ZNF536: variants seen among roughly 807,000 people sequenced by gnomAD.
ZNF536 encodes the protein zinc finger protein 536.
In ZNF536, 13 loss-of-function variants were observed where a neutral mutation model predicts 84.5. The observed-to-expected ratio is 0.15, with a 90% CI of 0.10 to 0.24. The LOEUF (loss-of-function observed/expected upper bound fraction) is 0.24, where lower values mean the gene tolerates loss of function less well. Among genes scored for constraint, ZNF536 ranks in the 10% least tolerant of loss-of-function variants. The pLI is 1.00. For synonymous variants in ZNF536, 811 were observed against 742.5 expected (o/e 1.09, Z -1.50); for missense variants, 1,536 against 1,747.5 (o/e 0.88, Z 2.16).
At chr19:30,467,679 T>A (rs1455455007) in intron 2 of ZNF536, among the ~76,000 whole-genome samples, 1 of 152,210 alleles carries the variant, frequency 6.6e-6, no homozygotes, top group East Asian at 1.9e-4. Context: ...CTACTGGCTC[T>A]CCAGAGGCCA....
chr19:30,382,607 C>T (rs4804927), intron 1 of ZNF536, among the ~76,000 whole-genome samples: 55,049 of 150,670 alleles, frequency 0.37, 10,349 homozygotes, highest in Middle Eastern at 0.54. Flanking sequence ...TGTGTGAAAA[C>T]TAGAAGTATT....
chr19:30,464,432 T>A (rs1314715314), intron 2 of ZNF536, among the ~76,000 whole-genome samples: 1 of 152,102 alleles, frequency 6.6e-6, no homozygotes, highest in Admixed American at 6.5e-5. Context: ...GAATCTCCCT[T>A]TCCTGAAATT....
chr19:30,326,811 T>TTTTTG (rs2078836522), intron 2 of ZNF536, among the ~76,000 whole-genome samples: 1 of 134,082 alleles, frequency 7.5e-6, no homozygotes, highest in Non-Finnish European at 1.6e-5. Context: ...TTTTTTTTTT[T>TTTTTG]TTTTTTTGTT....
At chr19:30,392,278 G>A (rs1416348705) in intron 1 of ZNF536, among the ~76,000 whole-genome samples, 1 of 152,206 alleles carries the variant, frequency 6.6e-6, no homozygotes, top group Non-Finnish European at 1.5e-5. Context: ...CCCCTGGGGC[G>A]AGGGAGGTAG....
intron 1 of ZNF536, among the ~76,000 whole-genome samples, chr19:30,589,051 A>C (rs1230674855): frequency 6.6e-6 from 1 of 152,166 alleles, no homozygotes. Flanking sequence ...GAGAATCCCC[A>C]AGAGACCTGA....
intron 1 of ZNF536, among the ~76,000 whole-genome samples, chr19:30,644,613 G>T (rs866341062): frequency 1.3e-5 from 2 of 152,028 alleles, no homozygotes; most frequent in East Asian, 3.9e-4. Context: ...GAGAACATGC[G>T]GTGTTTGGTT....
Position 30,445,725 on chromosome 19 carries a change from C to G in ZNF536, c.2163C>G (p.Ser721=), listed in dbSNP as rs780524436. 2.6e-6 allele frequency: 4 copies of G among 1,556,920 alleles called. No homozygotes were observed. Among genetic ancestry groups the G allele is most frequent in the Non-Finnish European group, 3.5e-6 (4 of 1,150,778 alleles). Reference sequence around the variant, plus strand: ...ACAGCCCGCACCCCTCCTCGCCATCCTCCTCAGGTAGGTTAGCTGAGAAGC... The same window carrying G: ...ACAGCCCGCACCCCTCCTCGCCATCGTCCTCAGGTAGGTTAGCTGAGAAGC... ...QEDSPHPSSP[S]SSDIGEEAGR... Residue 721 remains serine, a synonymous_variant, in exon 2 of 5, where the codon TCC becomes TCG. Transcript: ENST00000355537. The surrounding 1 kb of genome is among the most constrained non-coding windows in gnomAD (Gnocchi z 4.5).
At chr19:30,385,599 A>T (rs753346523) in intron 1 of ZNF536, among the ~76,000 whole-genome samples, 5 of 152,138 alleles carry the variant, frequency 3.3e-5, no homozygotes, top group Non-Finnish European at 7.4e-5. Context: ...GCATCTCCCC[A>T]GGCATCCTTC....
chr19:30,497,422 C>A (rs2054768518), intron 2 of ZNF536, among the ~76,000 whole-genome samples: 1 of 152,172 alleles, frequency 6.6e-6, no homozygotes, highest in Non-Finnish European at 1.5e-5. Context: ...ACACATCTCA[C>A]TCTATTGTTG....
At chr19:30,577,390 G>T (rs1379196766) in intron 1 of ZNF536, among the ~76,000 whole-genome samples, 2 of 152,140 alleles carry the variant, frequency 1.3e-5, no homozygotes, top group Admixed American at 6.5e-5. Flanking sequence ...AATATACTGT[G>T]CAGAGAAGTC....
At chr19:30,286,598 G>T (rs2045640126) in intron 2 of ZNF536, among the ~76,000 whole-genome samples, 1 of 151,852 alleles carries the variant, frequency 6.6e-6, no homozygotes, top group Admixed American at 6.6e-5. Context: ...GAAAGAGAGA[G>T]AGAAGGAGAG....
chr19:30,707,203 C>T (rs2052278272), intron 1 of ZNF536, among the ~76,000 whole-genome samples: 1 of 152,148 alleles, frequency 6.6e-6, no homozygotes, highest in Non-Finnish European at 1.5e-5. Context: ...CAGCTTAGTC[C>T]TGACTTAGAT....
intron 1 of ZNF536, among the ~76,000 whole-genome samples, chr19:30,591,684 C>G (rs2047283924): frequency 6.6e-6 from 1 of 152,214 alleles, no homozygotes; most frequent in Admixed American, 6.5e-5. Context: ...TCCTTTCTCT[C>G]TGAGTCACAG....
intron 1 of ZNF536, among the ~76,000 whole-genome samples, chr19:30,626,655 G>A (rs575792312): frequency 3.2e-4 from 48 of 152,030 alleles, no homozygotes; most frequent in South Asian, 4.1e-4. Flanking sequence ...TGCCCCAATG[G>A]GCTCAGGAGC....
chr19:30,630,639 C>G (rs1291281133), intron 1 of ZNF536, among the ~76,000 whole-genome samples: 2 of 152,168 alleles, frequency 1.3e-5, no homozygotes, highest in African/African-American at 4.8e-5. Context: ...TCCAGAAAGC[C>G]CTCCTTGGCA....
At chr19:30,521,673 C>T (rs2044326830) in intron 2 of ZNF536, among the ~76,000 whole-genome samples, 1 of 152,100 alleles carries the variant, frequency 6.6e-6, no homozygotes, top group South Asian at 2.1e-4. Flanking sequence ...GAGGAGGAAC[C>T]TCAGCCCTTG....
chr19:30,577,941 G>A (rs752181746), intron 1 of ZNF536, among the ~76,000 whole-genome samples: 4 of 152,242 alleles, frequency 2.6e-5, no homozygotes, highest in South Asian at 2.1e-4. Context: ...AGAGAGTTTC[G>A]CAGGCAATGG....
intron 1 of ZNF536, among the ~76,000 whole-genome samples, chr19:30,419,175 T>C (rs1172356344): frequency 6.6e-6 from 1 of 152,218 alleles, no homozygotes; most frequent in Non-Finnish European, 1.5e-5. Flanking sequence ...AATGTTATCA[T>C]GGGCATGTTC....
At chr19:30,653,769 G>T (rs1437198030) in intron 1 of ZNF536, among the ~76,000 whole-genome samples, 2 of 152,126 alleles carry the variant, frequency 1.3e-5, no homozygotes, top group Non-Finnish European at 2.9e-5. Context: ...CCGCCAAGGG[G>T]TCCCGCCCAG....
Sources: gnomAD v4.1 joint callset for allele counts (sites outside exome capture counted in the v4.1 genomes callset) on GRCh38, gnomAD v4.1.1 for gene constraint, Gnocchi (gnomAD v3.1) non-coding constraint, MANE v1.5 for transcripts, NCBI Gene and HGNC (gene_info 2026-07-23, HGNC 2026-07-21) for gene names.